Variants in LYRM4 observed in about 807,000 individuals in gnomAD.
The protein encoded by LYRM4 is LYR motif-containing protein 4.
LYRM4 carries 9 observed loss-of-function variants against 11.7 expected under a neutral mutation model. That is an observed-to-expected ratio of 0.77 (90% CI 0.46 to 1.34). The LOEUF (loss-of-function observed/expected upper bound fraction) is 1.34. LYRM4 is among the 40% of genes most tolerant of loss of function. The pLI, the probability that LYRM4 is intolerant of heterozygous loss-of-function variation, is 0.00. For missense variants in LYRM4, 133 were observed against 112.5 expected (o/e 1.18, Z -0.82); for synonymous variants, 42 against 40.4 (o/e 1.04, Z -0.15).
the LYRM4 span, chr6:5,088,841 G>A: frequency 6.6e-6 from 1 of 152,136 alleles, no homozygotes; most frequent in African/African-American, 2.4e-5. Flanking sequence ...GTCAGGCAGG[G>A]GAATCTACCT....
chr6:5,120,522 G>C (rs990647370), intron 2 of LYRM4, among the ~76,000 whole-genome samples: 1 of 152,190 alleles, frequency 6.6e-6, no homozygotes, highest in African/African-American at 2.4e-5. Context: ...TGTGGAGAGC[G>C]AAGGAACAAA....
chr6:5,222,728 T>C (rs1279043776), intron 1 of LYRM4, among the ~76,000 whole-genome samples: 1 of 144,490 alleles, frequency 6.9e-6, no homozygotes, highest in East Asian at 2.0e-4. Flanking sequence ...ATAGAAGTTA[T>C]ATTACATTTG....
intron 2 of LYRM4, among the ~76,000 whole-genome samples, chr6:5,111,272 T>G (rs1762868584): frequency 6.6e-6 from 1 of 152,222 alleles, no homozygotes; most frequent in South Asian, 2.1e-4. Flanking sequence ...ACAAACAGTT[T>G]TGTATAACAG....
At chr6:5,248,060 TGTACACAAAG>T (rs1439888405) in intron 1 of LYRM4, among the ~76,000 whole-genome samples, 1 of 152,246 alleles carries the variant, frequency 6.6e-6, no homozygotes, top group East Asian at 1.9e-4. Flanking sequence ...GAAGTGATAC[TGTACACAAAG>T]GTACTCAAGA....
chr6:5,062,455 T>C, the LYRM4 span, among the ~76,000 whole-genome samples: 1 of 151,972 alleles, frequency 6.6e-6, no homozygotes, highest in African/African-American at 2.4e-5. Context: ...TCTGGCCTTA[T>C]TTTCATTTCT....
At chr6:5,167,642 C>A (rs1440936821) in intron 2 of LYRM4, among the ~76,000 whole-genome samples, 1 of 152,188 alleles carries the variant, frequency 6.6e-6, no homozygotes, top group Non-Finnish European at 1.5e-5. Flanking sequence ...CTTCCTTCTT[C>A]TCCTGTCAAG....
At chr6:5,090,649 A>G in the LYRM4 span, among the ~76,000 whole-genome samples, 7 of 152,264 alleles carry the variant, frequency 4.6e-5, no homozygotes, top group East Asian at 1.9e-4. This position sits in a 1 kb window ranked among gnomAD's most constrained non-coding sequence, Gnocchi z 4.8. Context: ...CCGTCCCCTC[A>G]TGCAGTGTCC....
rs1759844210 is a variant in LYRM4, at chr6:5,178,373, A to AG, written c.207+38244_207+38245insC. On this transcript the variant is annotated intron_variant, in intron 2 of 2. Coordinates refer to ENST00000330636, the MANE Select transcript of LYRM4 (RefSeq NM_020408.6). ...AACAGACAGACCCTCTAAGGCAAATAATTTGAAAGCTAACACCTGGATGTA... is the reference window on the plus strand; with the variant it reads ...AACAGACAGACCCTCTAAGGCAAATAGATTTGAAAGCTAACACCTGGATGTA... 2.0e-5 allele frequency among the ~76,000 whole-genome samples: 3 copies of AG among 152,236 alleles called. No homozygotes were observed. In the South Asian group the frequency reaches 6.2e-4, roughly 32 times the overall value.
intron 2 of LYRM4, among the ~76,000 whole-genome samples, chr6:5,147,845 T>C (rs1399110529): frequency 6.6e-6 from 1 of 152,180 alleles, no homozygotes; most frequent in Non-Finnish European, 1.5e-5. Flanking sequence ...AGTAACAGTA[T>C]GGTACTTATT....
intron 2 of LYRM4, among the ~76,000 whole-genome samples, chr6:5,170,747 G>A (rs1160973924): frequency 1.3e-5 from 2 of 152,136 alleles, no homozygotes; most frequent in Non-Finnish European, 1.5e-5. Context: ...CCCAATTGGG[G>A]ATGTATAAAA....
chr6:5,121,397 G>A (rs78795636), intron 2 of LYRM4, among the ~76,000 whole-genome samples: 2,108 of 152,192 alleles, frequency 0.014, 32 homozygotes, highest in South Asian at 0.086. Context: ...GCTCAGGGTG[G>A]GGAAGACAGT....
chr6:5,081,270 T>G, the LYRM4 span, among the ~76,000 whole-genome samples: 1 of 152,104 alleles, frequency 6.6e-6, no homozygotes, highest in Non-Finnish European at 1.5e-5. Flanking sequence ...GGGAGAAAGC[T>G]TAGGGGACAG....
chr6:5,176,590 T>C (rs1026177597), intron 2 of LYRM4, among the ~76,000 whole-genome samples: 1 of 152,208 alleles, frequency 6.6e-6, no homozygotes, highest in Non-Finnish European at 1.5e-5. Flanking sequence ...CCTGGGCAGT[T>C]TTCATAGACT....
intron 2 of LYRM4, among the ~76,000 whole-genome samples, chr6:5,188,998 C>A (rs561698187): frequency 1.6e-4 from 24 of 152,224 alleles, no homozygotes; most frequent in African/African-American, 4.8e-4. Flanking sequence ...TGGGCTCAAG[C>A]GATCTGCTTG....
intron 2 of LYRM4, among the ~76,000 whole-genome samples, chr6:5,160,482 C>CT (rs1293624881): frequency 6.6e-6 from 1 of 151,948 alleles, no homozygotes; most frequent in Non-Finnish European, 1.5e-5. Flanking sequence ...GTGGTAGTGA[C>CT]TAAGTCTCAC....
chr6:5,066,870 G>T, the LYRM4 span: 1 of 954,538 alleles, frequency 1.0e-6, no homozygotes, highest in Non-Finnish European at 1.6e-6. Flanking sequence ...GCGGTTCCTC[G>T]CCGGCAAGTG....
chr6:5,215,634 G>A (rs1762232669), intron 2 of LYRM4, among the ~76,000 whole-genome samples: 2 of 152,162 alleles, frequency 1.3e-5, no homozygotes, highest in Admixed American at 1.3e-4. Context: ...TTCAAATATT[G>A]CTTCTTTTTT....
At chr6:5,152,188 G>A (rs1758126322) in intron 2 of LYRM4, among the ~76,000 whole-genome samples, 2 of 152,268 alleles carry the variant, frequency 1.3e-5, no homozygotes, top group South Asian at 2.1e-4. Flanking sequence ...GCAACATGAC[G>A]CTGAGAAGCT....
chr6:5,139,021 C>T (rs1326140197), intron 2 of LYRM4, among the ~76,000 whole-genome samples: 2 of 152,166 alleles, frequency 1.3e-5, no homozygotes, highest in African/African-American at 4.8e-5. Flanking sequence ...TATTGATGTT[C>T]GTTGAGTACC....
Sources: gnomAD v4.1 joint callset for allele counts (sites outside exome capture counted in the v4.1 genomes callset) on GRCh38, gnomAD v4.1.1 for gene constraint, Gnocchi (gnomAD v3.1) non-coding constraint, MANE v1.5 for transcripts, NCBI Gene and HGNC (gene_info 2026-07-23, HGNC 2026-07-21) for gene names.